The following ABR variants were observed in gnomAD, a reference collection of about 807,000 sequenced individuals.
ABR encodes ABR activator of RhoGEF and GTPase.
Under a neutral mutation model 107.2 loss-of-function variants are expected in ABR, and 35 were observed. That is an observed-to-expected ratio of 0.33 (90% CI 0.25 to 0.43). The LOEUF (loss-of-function observed/expected upper bound fraction) is 0.43. Ranked by LOEUF, ABR falls within the 20% of genes least tolerant of loss-of-function variation. The pLI, the probability that ABR is intolerant of heterozygous loss-of-function variation, is 1.00. For missense variants in ABR, 815 were observed against 1,115.2 expected, an observed-to-expected ratio of 0.73 and a Z score of 3.83; for synonymous variants, 498 against 462.0, an observed-to-expected ratio of 1.08 and a Z score of -1.00.
exon 1 of ABR, among the ~76,000 whole-genome samples, chr17:1,229,533 C>G: frequency 6.6e-6 from 1 of 151,998 alleles, no homozygotes; most frequent in East Asian, 1.9e-4. Context: ...CTCCAGCTCC[C>G]GCTCCGCGTC....
At chr17:1,045,519 T>C (rs973955637) in intron 16 of ABR, among the ~76,000 whole-genome samples, 4 of 152,280 alleles carry the variant, frequency 2.6e-5, no homozygotes, top group African/African-American at 9.6e-5. Context: ...CATCTAGAAA[T>C]GGGCTCTGCA....
intron 1 of ABR, among the ~76,000 whole-genome samples, chr17:1,136,879 A>T (rs1174118410): frequency 6.6e-6 from 1 of 152,182 alleles, no homozygotes; most frequent in African/African-American, 2.4e-5. Context: ...TGTTCACTGG[A>T]GAAGCACTTT....
chr17:1,087,190 T>C (rs2036648269), intron 4 of ABR, among the ~76,000 whole-genome samples: 1 of 152,238 alleles, frequency 6.6e-6, no homozygotes, highest in African/African-American at 2.4e-5. Flanking sequence ...CCTGGCTTCC[T>C]CAGGGGCCTC....
rs777915634 is a variant in ABR, at chr17:1,083,610, C to G, written c.549G>C (p.Val183=). Residue 183 remains valine (V), a synonymous_variant, in exon 5 of 23, where the codon GTG becomes GTC. Transcript: ENST00000302538. ...TATAGTTATCGACAAACGCTTTGTACACACCGAGCTGGCTGGCCTGCAGGG... is the reference window on the plus strand; with the variant it reads ...TATAGTTATCGACAAACGCTTTGTAGACACCGAGCTGGCTGGCCTGCAGGG... ...LFQKLASQLG[V]YKAFVDNYKV... 10 of 1,613,522 alleles carry G rather than the reference C, an allele frequency of 6.2e-6. No homozygotes were observed. Among genetic ancestry groups the G allele is most frequent in the Non-Finnish European group, 8.5e-6 (10 of 1,179,778 alleles).
intron 7 of ABR, 107 bp from the exon 8 acceptor site, chr17:1,072,861 C>T: frequency 7.2e-7 from 1 of 1,394,760 alleles, no homozygotes; most frequent in African/African-American, 1.5e-5. Flanking sequence ...CAGGGACCTG[C>T]CTAATTCCCG....
intron 1 of ABR, among the ~76,000 whole-genome samples, chr17:1,219,787 T>G (rs1048065896): frequency 2.7e-5 from 4 of 145,896 alleles, no homozygotes; most frequent in African/African-American, 1.0e-4. Context: ...TTTTTAAAAC[T>G]GAGGAAAGAA....
chr17:1,012,346 C>G (rs767555181), intron 18 of ABR: 3 of 641,672 alleles, frequency 4.7e-6, no homozygotes, highest in Non-Finnish European at 8.7e-6. Flanking sequence ...GGTGGTGAAC[C>G]GGGGGACACG....
chr17:1,208,837 G>A (rs1013761127), intron 1 of ABR, among the ~76,000 whole-genome samples: 3 of 148,774 alleles, frequency 2.0e-5, no homozygotes, highest in Non-Finnish European at 4.4e-5. Context: ...GCAGTGAGCC[G>A]AGATCATGCC....
chr17:1,020,033 C>T (rs2071494696), intron 16 of ABR, among the ~76,000 whole-genome samples: 1 of 152,072 alleles, frequency 6.6e-6, no homozygotes, highest in Non-Finnish European at 1.5e-5. Flanking sequence ...ACGACTGGGC[C>T]AGGGGTCGAC....
rs1567594350 is a variant in ABR, at chr17:1,023,069, T to TCTGCCGGCCCCACGTCCA, written c.1792-9923_1792-9906dup. 5.9e-4 allele frequency among the ~76,000 whole-genome samples: 86 copies of TCTGCCGGCCCCACGTCCA among 145,176 alleles called. 1 individual carries two copies. Among genetic ancestry groups the TCTGCCGGCCCCACGTCCA allele is most frequent in the African/African-American group, 2.1e-3 (78 of 37,094 alleles). On this transcript the variant is annotated intron_variant, in intron 16 of 22. Transcript: ENST00000302538. ...CCTGCCCCACGTCCGCTCCAGCGCC[T>TCTGCCGGCCCCACGTCCA]CTGCCGGCCCCACGTCCACTGCAGA...
intron 2 of ABR, among the ~76,000 whole-genome samples, chr17:1,111,500 C>T (rs996922159): frequency 4.0e-5 from 6 of 151,108 alleles, no homozygotes; most frequent in South Asian, 2.1e-4. Flanking sequence ...CTCCACACTC[C>T]ATCTGCCTCG....
At chr17:1,123,911 G>A (rs963970824) in intron 2 of ABR, among the ~76,000 whole-genome samples, 9 of 152,186 alleles carry the variant, frequency 5.9e-5, no homozygotes, top group East Asian at 1.9e-4. Context: ...TCTCTAACCC[G>A]CCTCCCGTCT....
rs567714023 is a variant in ABR, at chr17:1,150,050, C to A, written c.62-24683G>T. 3.3e-5 allele frequency among the ~76,000 whole-genome samples: 5 copies of A among 152,222 alleles called. No individual in the cohort carries two copies. Among genetic ancestry groups the A allele is most frequent in the African/African-American group, 1.2e-4 (5 of 41,532 alleles). On this transcript the variant is annotated intron_variant, in intron 1 of 22. Coordinates refer to ENST00000302538, the MANE Select transcript of ABR (RefSeq NM_021962.5). This position sits in a 1 kb window ranked among gnomAD's most constrained non-coding sequence, Gnocchi z 4.8. ...GTTATTGTCGTCACTGACGTTGTCA[C>A]TGCTGTTGTCCCTGTTGTTATGATT...
intron 1 of ABR, among the ~76,000 whole-genome samples, chr17:1,214,538 A>G (rs1349374115): frequency 6.6e-6 from 1 of 152,222 alleles, no homozygotes; most frequent in Non-Finnish European, 1.5e-5. Context: ...GCAGTGGCTC[A>G]TGCCTGTAAT....
chr17:1,081,626 G>T (rs1461468216), intron 5 of ABR, among the ~76,000 whole-genome samples: 1 of 152,184 alleles, frequency 6.6e-6, no homozygotes, highest in African/African-American at 2.4e-5. Flanking sequence ...CACCAGACTG[G>T]AGTGCAGTGG....
intron 2 of ABR, among the ~76,000 whole-genome samples, chr17:1,116,022 T>A (rs1195464622): frequency 5.6e-5 from 8 of 142,218 alleles, no homozygotes; most frequent in East Asian, 4.3e-4. Flanking sequence ...AGGTTGGGAG[T>A]TCAAGACCAG....
rs948541114 is a variant in ABR at position 1,150,241 on chromosome 17, A to G, written c.62-24874T>C. Reference sequence around the variant, plus strand: ...TGTTACCCACCTGACAAAGCTCTTCATCTTGCTAAAGATAACAGAGCACTT... The same window carrying G: ...TGTTACCCACCTGACAAAGCTCTTCGTCTTGCTAAAGATAACAGAGCACTT... On this transcript the variant is annotated intron_variant, in intron 1 of 22. Coordinates refer to ENST00000302538, the MANE Select transcript of ABR (RefSeq NM_021962.5). The surrounding 1 kb of genome is among the most constrained non-coding windows in gnomAD (Gnocchi z 4.8). Among the ~76,000 whole-genome samples, 1 of 152,174 alleles carries G rather than the reference A, an allele frequency of 6.6e-6. No homozygotes were observed. Among genetic ancestry groups the G allele is most frequent in the Non-Finnish European group, 1.5e-5 (1 of 68,044 alleles).
At chr17:1,176,845 CAAAACAAAACAA>C (rs2041933531) in intron 1 of ABR, among the ~76,000 whole-genome samples, 1 of 132,260 alleles carries the variant, frequency 7.6e-6, no homozygotes, top group African/African-American at 2.9e-5. Context: ...GACCCCGTCT[CAAAACAAAACAA>C]AAAACAAAAA....
chr17:1,114,012 T>A (rs932060979), intron 2 of ABR, among the ~76,000 whole-genome samples: 7 of 150,882 alleles, frequency 4.6e-5, no homozygotes, highest in African/African-American at 7.3e-5. Flanking sequence ...ATAAAAATTT[T>A]AAAAAATAAT....
Sources: gnomAD v4.1 joint callset for allele counts (sites outside exome capture counted in the v4.1 genomes callset) on GRCh38, gnomAD v4.1.1 for gene constraint, Gnocchi (gnomAD v3.1) non-coding constraint, MANE v1.5 for transcripts, NCBI Gene and HGNC (gene_info 2026-07-23, HGNC 2026-07-21) for gene names.